Variants in ACVR1 observed in about 807,000 individuals in gnomAD.
ACVR1 encodes activin A receptor type 1, also known as activin receptor type-1.
ACVR1 carries 38 observed loss-of-function variants against 57.1 expected under a neutral mutation model. That is an observed-to-expected ratio of 0.67 (90% confidence interval 0.51 to 0.87). The LOEUF (loss-of-function observed/expected upper bound fraction) is 0.87. Among genes scored for constraint, ACVR1 ranks in the 40% least tolerant of loss-of-function variants. The pLI is 0.00. For missense variants in ACVR1, 463 were observed against 638.2 expected (o/e 0.73, Z 2.96); for synonymous variants, 212 against 228.1 (o/e 0.93, Z 0.63).
chr2:157,767,557 A>T (rs1256771030), intron 7 of ACVR1, among the ~76,000 whole-genome samples: 1 of 152,206 alleles, frequency 6.6e-6, no homozygotes, highest in Non-Finnish European at 1.5e-5. Flanking sequence ...TTTAAGACGG[A>T]TATGGCTTGA....
chr2:157,804,849 T>C (rs1687460690), intron 2 of ACVR1, among the ~76,000 whole-genome samples: 1 of 152,228 alleles, frequency 6.6e-6, no homozygotes, highest in Non-Finnish European at 1.5e-5. Context: ...AAATCCCATG[T>C]TACTTTTCAA....
At chr2:157,813,459 T>G (rs1687823426) in intron 2 of ACVR1, among the ~76,000 whole-genome samples, 1 of 152,228 alleles carries the variant, frequency 6.6e-6, no homozygotes, top group Non-Finnish European at 1.5e-5. Context: ...ACTTCACTTT[T>G]CAGTCTGCAT....
At chr2:157,752,853 T>C (rs1574020159) in intron 9 of ACVR1, among the ~76,000 whole-genome samples, 3 of 152,288 alleles carry the variant, frequency 2.0e-5, no homozygotes, top group African/African-American at 7.2e-5. Flanking sequence ...CTTTAAAGCA[T>C]GAATCTCACA....
intron 2 of ACVR1, among the ~76,000 whole-genome samples, chr2:157,804,298 T>C (rs1425107705): frequency 6.6e-6 from 1 of 152,176 alleles, no homozygotes; most frequent in Non-Finnish European, 1.5e-5. Flanking sequence ...GTTCTACAGT[T>C]TTAGAAATTT....
chr2:157,742,076 G>A (rs576961146), intron 9 of ACVR1, among the ~76,000 whole-genome samples: 32 of 152,212 alleles, frequency 2.1e-4, no homozygotes, highest in Non-Finnish European at 2.4e-4. Flanking sequence ...CAGGAGAGCC[G>A]GGGGAGAAGA....
intron 5 of ACVR1, 124 bp downstream of exon 5, chr2:157,778,006 TA>T: frequency 4.9e-6 from 5 of 1,023,316 alleles, no homozygotes; most frequent in Non-Finnish European, 7.5e-6. Flanking sequence ...AGGACATAAG[TA>T]ACCAACAGCA....
At chr2:157,780,309 A>G in intron 4 of ACVR1, 28 bp downstream of exon 4, 4 of 1,614,080 alleles carry the variant, frequency 2.5e-6, no homozygotes, top group Non-Finnish European at 3.4e-6. Flanking sequence ...AAACCCCTTG[A>G]TCTAGAAATA....
intron 2 of ACVR1, among the ~76,000 whole-genome samples, chr2:157,805,598 T>C (rs1243688500): frequency 6.6e-6 from 1 of 152,108 alleles, no homozygotes; most frequent in Non-Finnish European, 1.5e-5. Flanking sequence ...GAAAAATAAT[T>C]TATGGAATCC....
At chr2:157,799,130 A>T (rs1687229025) in intron 3 of ACVR1, among the ~76,000 whole-genome samples, 1 of 152,042 alleles carries the variant, frequency 6.6e-6, no homozygotes, top group African/African-American at 2.4e-5. Context: ...TCCTGACCTC[A>T]GGTGATCCAC....
chr2:157,871,737 C>T (rs963164594), intron 1 of ACVR1, among the ~76,000 whole-genome samples: 10 of 152,122 alleles, frequency 6.6e-5, no homozygotes, highest in Non-Finnish European at 1.0e-4. Flanking sequence ...TGCCTAGAAG[C>T]GCACAGGAAT....
At chr2:157,863,336 C>CTTTTTTTTTTTTTTTTTTTTTTTTT (rs1161335923) in intron 1 of ACVR1, among the ~76,000 whole-genome samples, 1 of 35,674 alleles carries the variant, frequency 2.8e-5, no homozygotes, top group African/African-American at 1.0e-4. Flanking sequence ...AATTGTTTCT[C>CTTTTTTTTTTTTTTTTTTTTTTTTT]TTTTTTTTTT....
At chr2:157,810,305 C>T (rs1164209034) in intron 2 of ACVR1, among the ~76,000 whole-genome samples, 1 of 152,110 alleles carries the variant, frequency 6.6e-6, no homozygotes, top group East Asian at 1.9e-4. Flanking sequence ...ACAAGACTGC[C>T]ATTTAACATG....
intron 1 of ACVR1, among the ~76,000 whole-genome samples, chr2:157,863,867 C>CTTTT (rs56669677): frequency 7.7e-6 from 1 of 129,044 alleles, no homozygotes; most frequent in African/African-American, 3.0e-5. Context: ...GGAGCAAATT[C>CTTTT]TTTTTTTTTT....
intron 6 of ACVR1, among the ~76,000 whole-genome samples, chr2:157,772,277 A>C (rs770789788): frequency 3.9e-5 from 6 of 152,206 alleles, no homozygotes; most frequent in Non-Finnish European, 8.8e-5. Context: ...GGCTCCCTTA[A>C]GGCACCTGAA....
intron 1 of ACVR1, among the ~76,000 whole-genome samples, chr2:157,860,988 A>G (rs1363997583): frequency 6.6e-6 from 1 of 152,188 alleles, no homozygotes; most frequent in Non-Finnish European, 1.5e-5. Flanking sequence ...CTGAGTAGCA[A>G]GGTTCTAGCC....
chr2:157,872,889 A>G (rs1690157915), intron 1 of ACVR1, among the ~76,000 whole-genome samples: 1 of 152,174 alleles, frequency 6.6e-6, no homozygotes, highest in Admixed American at 6.5e-5. Flanking sequence ...TGTATCATCT[A>G]CCTACTTCCT....
intron 1 of ACVR1, among the ~76,000 whole-genome samples, chr2:157,822,167 G>C (rs1194756585): frequency 6.6e-6 from 1 of 152,158 alleles, no homozygotes; most frequent in African/African-American, 2.4e-5. Context: ...CCATTAACCA[G>C]AACTACTTCA....
chr2:157,793,200 G>T (rs1412420640), intron 3 of ACVR1, among the ~76,000 whole-genome samples: 1 of 152,162 alleles, frequency 6.6e-6, no homozygotes, highest in Non-Finnish European at 1.5e-5. Flanking sequence ...AGAAGTGACT[G>T]CACTGCACAC....
At chr2:157,815,087 T>C (rs1687885503) in intron 2 of ACVR1, among the ~76,000 whole-genome samples, 1 of 151,974 alleles carries the variant, frequency 6.6e-6, no homozygotes, top group South Asian at 2.1e-4. Context: ...AGACTCCGTC[T>C]CAAAAAAATA....
Sources: gnomAD v4.1 joint callset for allele counts (sites outside exome capture counted in the v4.1 genomes callset) on GRCh38, gnomAD v4.1.1 for gene constraint, MANE v1.5 for transcripts, NCBI Gene and HGNC (gene_info 2026-07-23, HGNC 2026-07-21) for gene names.